Variants in RNF180 observed in about 807,000 individuals in gnomAD.
The protein encoded by RNF180 is E3 ubiquitin-protein ligase RNF180.
In RNF180, 38 loss-of-function variants were observed where a neutral mutation model predicts 59.2. The observed-to-expected ratio is 0.64, with a 90% CI of 0.50 to 0.84. RNF180 has a LOEUF of 0.84. Ranked by LOEUF, RNF180 falls within the 40% of genes least tolerant of loss-of-function variation. The pLI is 0.00. For missense variants in RNF180, 705 were observed against 700.9 expected, an observed-to-expected ratio of 1.01 and a Z score of -0.07; for synonymous variants, 262 against 240.3, an observed-to-expected ratio of 1.09 and a Z score of -0.84.
chr5:64,192,703 G>A (rs1488208499), intron 1 of RNF180, among the ~76,000 whole-genome samples: 2 of 151,462 alleles, frequency 1.3e-5, no homozygotes, highest in African/African-American at 4.9e-5. Flanking sequence ...CAGTATGGAG[G>A]TCTTCAGAAA....
intron 5 of RNF180, among the ~76,000 whole-genome samples, chr5:64,264,533 A>G (rs998962263): frequency 6.6e-6 from 1 of 152,120 alleles, no homozygotes; most frequent in Non-Finnish European, 1.5e-5. Context: ...TTCCAGCTTC[A>G]TCCATGTCCC....
chr5:64,199,630 T>C (rs1751632795), intron 1 of RNF180, among the ~76,000 whole-genome samples: 1 of 152,206 alleles, frequency 6.6e-6, no homozygotes. Context: ...GTCTGGCACA[T>C]AGGTAGCTTT....
rs1171637074 is a variant in RNF180, at chr5:64,234,578, C to CTTT, written c.1227+17219_1227+17221dup. Among the ~76,000 whole-genome samples, 209 of 48,522 alleles carry CTTT rather than the reference C, an allele frequency of 4.3e-3. 66 individuals are homozygous for CTTT. The highest frequency in any genetic ancestry group is 6.2e-3 in the Non-Finnish European group (161 of 26,116). 31.8% of individuals were successfully genotyped at this position (48,522 alleles called of 152,430 possible). ...GCTTTCCAAATGGCAGTTACCCGTTCTTTTTTTTTTTTTTTTTTTTTTTTT... is the reference window on the plus strand; with the variant it reads ...GCTTTCCAAATGGCAGTTACCCGTTCTTTTTTTTTTTTTTTTTTTTTTTTTTTT... On this transcript the variant is annotated intron_variant, in intron 5 of 7. Coordinates refer to ENST00000389100, the MANE Select transcript of RNF180 (RefSeq NM_001113561.2).
At chr5:64,271,806 G>GT (rs1222207831) in intron 5 of RNF180, among the ~76,000 whole-genome samples, 8 of 151,998 alleles carry the variant, frequency 5.3e-5, no homozygotes, top group Non-Finnish European at 8.8e-5. Context: ...GCAGTTATGA[G>GT]TTTTTTGGTT....
intron 5 of RNF180, among the ~76,000 whole-genome samples, chr5:64,288,567 A>G (rs1196121757): frequency 6.6e-6 from 1 of 151,994 alleles, no homozygotes; most frequent in Non-Finnish European, 1.5e-5. Context: ...CTCTTATTTC[A>G]TTGAGCAGTG....
intron 6 of RNF180, 137 bp from the exon 7 acceptor site, chr5:64,330,144 C>G (rs1744835461): frequency 1.5e-6 from 1 of 651,066 alleles, no homozygotes. Flanking sequence ...AATGTTGAAT[C>G]TATTTTTGTC....
At chr5:64,173,621 T>C (rs772814300) in intron 1 of RNF180, among the ~76,000 whole-genome samples, 1 of 151,886 alleles carries the variant, frequency 6.6e-6, no homozygotes, top group Non-Finnish European at 1.5e-5. Context: ...CTCTCCCTCC[T>C]CCTTTCCCTT....
intron 1 of RNF180, among the ~76,000 whole-genome samples, chr5:64,183,538 C>CCCTGGTTCA (rs925798505): frequency 6.7e-6 from 1 of 148,614 alleles, no homozygotes; most frequent in Non-Finnish European, 1.5e-5. Flanking sequence ...ACCTCCACCT[C>CCCTGGTTCA]CCTGGTTCAA....
intron 5 of RNF180, among the ~76,000 whole-genome samples, chr5:64,289,287 G>A (rs1742451301): frequency 6.6e-6 from 1 of 152,112 alleles, no homozygotes; most frequent in Non-Finnish European, 1.5e-5. Flanking sequence ...GCTGGATTCT[G>A]TTTGCCAGTA....
chr5:64,213,543 C>CT lies in RNF180; in HGVS notation c.232-12dup, dbSNP rs1391888126. ...TAATGAAAGCACTGTCTTTATTCTT[C>CT]TTTATTACCTGTAGGCCCAGTGGAC... On this transcript the variant is annotated splice_polypyrimidine_tract_variant and intron_variant, in intron 3 of 7. Coordinates refer to ENST00000389100, the MANE Select transcript of RNF180 (RefSeq NM_001113561.2). 6 of 1,588,114 alleles carry CT rather than the reference C, an allele frequency of 3.8e-6. No individual in the cohort carries two copies.
At chr5:64,331,240 G>T (rs1157573089) in intron 7 of RNF180, among the ~76,000 whole-genome samples, 1 of 152,204 alleles carries the variant, frequency 6.6e-6, no homozygotes, top group African/African-American at 2.4e-5. Flanking sequence ...GGGCACCGTG[G>T]ATGGCAGGTT....
chr5:64,324,440 C>T (rs747906368), intron 5 of RNF180, among the ~76,000 whole-genome samples: 10 of 152,252 alleles, frequency 6.6e-5, no homozygotes, highest in Non-Finnish European at 5.9e-5. Flanking sequence ...AACATGCAAA[C>T]TCTGCACAGA....
intron 1 of RNF180, among the ~76,000 whole-genome samples, chr5:64,183,224 A>G (rs1256843688): frequency 6.6e-6 from 1 of 152,192 alleles, no homozygotes; most frequent in Non-Finnish European, 1.5e-5. Flanking sequence ...TTCCTCATCT[A>G]TAAAATGGAG....
intron 5 of RNF180, among the ~76,000 whole-genome samples, chr5:64,299,688 T>G (rs1369430241): frequency 6.6e-6 from 1 of 151,962 alleles, no homozygotes; most frequent in Non-Finnish European, 1.5e-5. Flanking sequence ...AAGTTGGCTG[T>G]GATTTCTCTG....
chr5:64,240,019 T>A (rs776167136), intron 5 of RNF180, among the ~76,000 whole-genome samples: 2 of 152,192 alleles, frequency 1.3e-5, no homozygotes, highest in Non-Finnish European at 2.9e-5. Context: ...TTTTCAGAAA[T>A]ACACATTTGC....
intron 7 of RNF180, among the ~76,000 whole-genome samples, chr5:64,345,713 A>G (rs1411032458): frequency 1.3e-5 from 2 of 152,144 alleles, no homozygotes; most frequent in Non-Finnish European, 1.5e-5. Context: ...ACACATTATA[A>G]ACAATTTGCT....
At chr5:64,227,799 TCA>T (rs1285404017) in intron 5 of RNF180, among the ~76,000 whole-genome samples, 1 of 152,214 alleles carries the variant, frequency 6.6e-6, no homozygotes, top group Non-Finnish European at 1.5e-5. Flanking sequence ...AAGAAATATC[TCA>T]CTTTTAAAAT....
chr5:64,323,099 T>C (rs1744454750), intron 5 of RNF180, among the ~76,000 whole-genome samples: 1 of 152,032 alleles, frequency 6.6e-6, no homozygotes, highest in African/African-American at 2.4e-5. Flanking sequence ...AGATTAACAG[T>C]TTTAAGGAAC....
At chr5:64,355,699 A>G (rs1258342968) in intron 7 of RNF180, among the ~76,000 whole-genome samples, 1 of 152,002 alleles carries the variant, frequency 6.6e-6, no homozygotes, top group Non-Finnish European at 1.5e-5. Context: ...AAGAATAGAC[A>G]TATAGATCAA....
Sources: gnomAD v4.1 joint callset for allele counts (sites outside exome capture counted in the v4.1 genomes callset) on GRCh38, gnomAD v4.1.1 for gene constraint, MANE v1.5 for transcripts, NCBI Gene and HGNC (gene_info 2026-07-23, HGNC 2026-07-21) for gene names.